Variants in OR4E2 observed in about 807,000 individuals in gnomAD.
OR4E2 encodes olfactory receptor family 4 subfamily E member 2.
In OR4E2, 9 loss-of-function variants were observed where a neutral mutation model predicts 11.0. The observed-to-expected ratio is 0.82, with a 90% CI of 0.49 to 1.43. The LOEUF is 1.43. Ranked by LOEUF, OR4E2 falls within the 40% of genes most tolerant of loss-of-function variation. The probability of loss-of-function intolerance (pLI) is 0.00; values close to 1 mark genes in which losing one functional copy is unlikely to be tolerated. For missense variants in OR4E2, 441 were observed against 382.0 expected, an observed-to-expected ratio of 1.15 and a Z score of -1.29; for synonymous variants, 159 against 147.3, an observed-to-expected ratio of 1.08 and a Z score of -0.57.
In OR4E2 at chr14:21,665,821, G is replaced by A; in HGVS notation, c.739G>A (p.Val247Ile). The A allele has an allele frequency of 1.2e-6, 2 of 1,613,102 alleles. No individual in the cohort carries two copies. The highest frequency in any genetic ancestry group is 1.7e-6 in the Non-Finnish European group (2 of 1,179,458). The change falls in exon 4 of 4, where the codon GTT becomes ATT. Residue 247 changes from valine to isoleucine, a missense_variant. Physicochemically the swap from Val to Ile is conservative, Grantham distance 29. Transcript: ENST00000641524. ...LSTCSAHFMV[V>I]ALFFGPCIFI... ...TACCTGCTCGGCCCACTTCATGGTG[G>A]TTGCCCTCTTCTTTGGGCCATGTAT...
chr14:21,666,067 T>A lies in OR4E2; in HGVS notation c.*43T>A, dbSNP rs1181414803. 1 of 1,405,666 alleles carries A rather than the reference T, an allele frequency of 7.1e-7. No homozygotes were observed. Among genetic ancestry groups the A allele is most frequent in the East Asian group, 2.3e-5 (1 of 43,194 alleles). The allele number at this position is 1,405,666 out of a possible 1,614,324, so 87.1% of individuals were successfully genotyped here. A position where few individuals can be genotyped will look rare whatever the true frequency, so the allele number is the denominator to read the frequency against. On this transcript the variant is annotated 3_prime_UTR_variant, in exon 4 of 4. Coordinates refer to ENST00000641524, the MANE Select transcript of OR4E2 (RefSeq NM_001001912.3). ...GACATAATTGCAGCCACATCCTTAA[T>A]GAAAGAGCAAAAGTAAAGAGTCAAA...
Position 21,666,787 on chromosome 14 carries a change from G to A in OR4E2, c.*763G>A, listed in dbSNP as rs1442826654. On this transcript the variant is annotated 3_prime_UTR_variant, in exon 4 of 4. Transcript: ENST00000641524. ...AGCTCACTGCAACTTCCACCTCCAGGTTTAAGTGATTCTCCTGCCTCAGCC... is the reference window on the plus strand; with the variant it reads ...AGCTCACTGCAACTTCCACCTCCAGATTTAAGTGATTCTCCTGCCTCAGCC... 2.0e-5 allele frequency: 3 copies of A among 151,426 alleles called. No homozygotes were observed. The East Asian group carries it at 5.8e-4, about 29-fold the overall frequency. The allele number at this position is 151,426 out of a possible 1,614,324, so 9.4% of individuals were successfully genotyped here.
At chr14:21,654,483 G>C (rs1016243123) in intron 1 of OR4E2, among the ~76,000 whole-genome samples, 10 of 151,262 alleles carry the variant, frequency 6.6e-5, no homozygotes, top group Non-Finnish European at 1.2e-4. Flanking sequence ...ACACACGCAT[G>C]CACACACACA....
intron 1 of OR4E2, among the ~76,000 whole-genome samples, chr14:21,655,996 C>T (rs72686088): frequency 0.035 from 5,377 of 151,504 alleles, 181 homozygotes; most frequent in Admixed American, 0.11. Flanking sequence ...AAGGCGAAAC[C>T]GCTGGGCGTG....
At chr14:21,662,388 C>T (rs1345779202) in intron 3 of OR4E2, among the ~76,000 whole-genome samples, 1 of 152,046 alleles carries the variant, frequency 6.6e-6, no homozygotes, top group Non-Finnish European at 1.5e-5. Context: ...CCTCTGCCTC[C>T]CTGGTTCAGT....
At chr14:21,663,310 T>G (rs971648859) in intron 3 of OR4E2, among the ~76,000 whole-genome samples, 3 of 152,030 alleles carry the variant, frequency 2.0e-5, no homozygotes, top group Non-Finnish European at 4.4e-5. Context: ...AAACCCCGTC[T>G]CTACTAAAAA....
intron 1 of OR4E2, among the ~76,000 whole-genome samples, chr14:21,655,209 T>C (rs75025678): frequency 1.5e-3 from 222 of 152,138 alleles, no homozygotes; most frequent in African/African-American, 5.1e-3. Context: ...ATACGCAGAG[T>C]AATATATGAG....
chr14:21,663,662 T>C (rs1331356479), intron 3 of OR4E2, among the ~76,000 whole-genome samples: 1 of 152,090 alleles, frequency 6.6e-6, no homozygotes, highest in African/African-American at 2.4e-5. Context: ...GAAGGATGAA[T>C]AGTATTTTTT....
intron 2 of OR4E2, among the ~76,000 whole-genome samples, chr14:21,659,627 A>AT (rs1210416858): frequency 6.6e-6 from 1 of 152,214 alleles, no homozygotes; most frequent in African/African-American, 2.4e-5. Flanking sequence ...ATAATAATAT[A>AT]TTTTGAGGTA....
At position 21,659,504 on chromosome 14, in the gene OR4E2, T is replaced by C. The variant is rs952726341; in HGVS notation, c.-102-1149T>C. Reference sequence around the variant, plus strand: ...AATCCCATTTTATGTTTTTTTCTTTTAGTTCTTTGGTTAAGAACGTAGGCT... The same window carrying C: ...AATCCCATTTTATGTTTTTTTCTTTCAGTTCTTTGGTTAAGAACGTAGGCT... On this transcript the variant is annotated intron_variant, in intron 2 of 3. Coordinates refer to ENST00000641524, the MANE Select transcript of OR4E2 (RefSeq NM_001001912.3). 2.0e-4 allele frequency among the ~76,000 whole-genome samples: 30 copies of C among 152,062 alleles called. 1 individual carries two copies. Among genetic ancestry groups the C allele is most frequent in the Non-Finnish European group, 4.4e-5 (3 of 67,990 alleles).
rs766230193 is a variant in OR4E2 at position 21,666,056 on chromosome 14, CA to C, written c.*33del. On this transcript the variant is annotated 3_prime_UTR_variant, in exon 4 of 4. Coordinates refer to ENST00000641524, the MANE Select transcript of OR4E2 (RefSeq NM_001001912.3). ...CTGGGATTGCAGACATAATTGCAGC[CA>C]CATCCTTAATGAAAGAGCAAAAGTA... The C allele has an allele frequency of 1.4e-6, 2 of 1,478,766 alleles. No individual in the cohort carries two copies. The highest frequency in any genetic ancestry group is 2.8e-5 in the African/African-American group (2 of 71,294). The allele number at this position is 1,478,766 out of a possible 1,614,324, so 91.6% of individuals were successfully genotyped here.
intron 1 of OR4E2, among the ~76,000 whole-genome samples, chr14:21,655,499 TA>T (rs572323353): frequency 4.1e-4 from 62 of 152,044 alleles, no homozygotes; most frequent in African/African-American, 1.5e-3. Flanking sequence ...AACTTGTCTC[TA>T]AAAAAATTCA....
chr14:21,662,693 T>A (rs1434413438), intron 3 of OR4E2, among the ~76,000 whole-genome samples: 1 of 152,230 alleles, frequency 6.6e-6, no homozygotes, highest in Non-Finnish European at 1.5e-5. Context: ...GGTAGGCCTT[T>A]GTCACTATTG....
intron 2 of OR4E2, among the ~76,000 whole-genome samples, chr14:21,659,815 A>G (rs952028584): frequency 6.6e-6 from 1 of 152,232 alleles, no homozygotes; most frequent in Admixed American, 6.5e-5. Flanking sequence ...TAGAATTTAT[A>G]TTCTAGCAGC....
At chr14:21,664,511 GGAAAA>G (rs1880517556) in intron 3 of OR4E2, among the ~76,000 whole-genome samples, 2 of 152,248 alleles carry the variant, frequency 1.3e-5, no homozygotes, top group South Asian at 4.1e-4. Context: ...CTGAGCAGAG[GGAAAA>G]GAAAAAGTAA....
rs1566589056 is a variant in OR4E2 at position 21,665,687 on chromosome 14, A to G, written c.605A>G (p.Asn202Ser). The change falls in exon 4 of 4, where the codon AAT (asparagine) becomes AGT (serine). Residue 202 changes from asparagine (N) to serine (S), a missense_variant. Physicochemically the swap from Asn to Ser is conservative, Grantham distance 46. Transcript: ENST00000641524. ...TYLTGILIVT[N>S]SGTISLSCFL... ...CTCACAGGAATACTGATTGTGACCAATAGTGGAACCATCTCCCTCTCCTGT... is the reference window on the plus strand; with the variant it reads ...CTCACAGGAATACTGATTGTGACCAGTAGTGGAACCATCTCCCTCTCCTGT... 3 of 1,614,114 alleles carry G rather than the reference A, an allele frequency of 1.9e-6. No homozygotes were observed. The highest frequency in any genetic ancestry group is 1.7e-5 in the Admixed American group (1 of 60,002).
chr14:21,659,156 C>T (rs1299308210), intron 2 of OR4E2, among the ~76,000 whole-genome samples: 1 of 152,052 alleles, frequency 6.6e-6, no homozygotes, highest in Non-Finnish European at 1.5e-5. Flanking sequence ...CTGCTTCAGT[C>T]TCTGGAGTAG....
At position 21,667,600 on chromosome 14, in the gene OR4E2, T is replaced by A. The variant is rs1880713853; in HGVS notation, c.*1576T>A. 1 of 152,216 alleles carries A rather than the reference T, an allele frequency of 6.6e-6. No homozygotes were observed. Among genetic ancestry groups the A allele is most frequent in the Non-Finnish European group, 1.5e-5 (1 of 68,028 alleles). 9.4% of individuals were successfully genotyped at this position (152,216 alleles called of 1,614,324 possible). ...TCTATGATGAAATGAAGTCCAGATA[T>A]CACTACTATGTACATGTTAAAAACT... On this transcript the variant is annotated 3_prime_UTR_variant, in exon 4 of 4. Coordinates refer to ENST00000641524, the MANE Select transcript of OR4E2 (RefSeq NM_001001912.3).
In OR4E2 at chr14:21,665,776, G is replaced by A; in HGVS notation, c.694G>A (p.Gly232Arg). Reference protein sequence around the residue: ...LVSLRKHSAEGRRKALSTCSA... With the variant: ...LVSLRKHSAERRRKALSTCSA... ...TTCTCTTCGAAAACACTCAGCTGAA[G>A]GGCGCCGGAAAGCCCTGTCTACCTG... The change falls in exon 4 of 4, where the codon GGG (glycine) becomes AGG (arginine). Residue 232 changes from glycine to arginine, a missense_variant. Gly to Arg is a moderately radical substitution (Grantham distance 125). Transcript: ENST00000641524. The A allele has an allele frequency of 1.2e-6, 2 of 1,614,034 alleles. No individual in the cohort carries two copies. The highest frequency in any genetic ancestry group is 1.7e-6 in the Non-Finnish European group (2 of 1,179,970).
Sources: allele counts gnomAD v4.1 joint callset (sites outside exome capture counted in the v4.1 genomes callset), GRCh38; gene constraint gnomAD v4.1.1; transcripts MANE v1.5; gene names NCBI Gene and HGNC (gene_info 2026-07-23, HGNC 2026-07-21).